The following SLC24A4 variants were observed in gnomAD, a reference collection of about 807,000 sequenced individuals.
SLC24A4 encodes sodium/potassium/calcium exchanger 4.
SLC24A4 carries 53 observed loss-of-function variants against 79.0 expected under a neutral mutation model. The ratio of observed to expected loss-of-function variants is 0.67; its 90% CI spans 0.54 to 0.84. The LOEUF (loss-of-function observed/expected upper bound fraction) is 0.84. SLC24A4 is among the 40% of genes least tolerant of loss of function. The probability of loss-of-function intolerance (pLI) is 0.00; values close to 1 mark genes in which losing one functional copy is unlikely to be tolerated. For synonymous variants in SLC24A4, 323 were observed against 323.8 expected, an observed-to-expected ratio of 1.00 and a Z score of 0.03; for missense variants, 731 against 822.0, an observed-to-expected ratio of 0.89 and a Z score of 1.35.
intron 2 of SLC24A4, among the ~76,000 whole-genome samples, chr14:92,333,842 T>C (rs1458994780): frequency 7.5e-6 from 1 of 134,206 alleles, no homozygotes; most frequent in Non-Finnish European, 1.6e-5. Flanking sequence ...TAGAGTCTGG[T>C]GGGGGTGGGA....
At chr14:92,360,517 G>A (rs567684354) in intron 2 of SLC24A4, among the ~76,000 whole-genome samples, 1 of 152,288 alleles carries the variant, frequency 6.6e-6, no homozygotes, top group East Asian at 1.9e-4. Flanking sequence ...TCCATTTGCA[G>A]TTAGATATTT....
intron 12 of SLC24A4, among the ~76,000 whole-genome samples, chr14:92,461,813 C>T (rs1893828049): frequency 6.6e-6 from 1 of 152,188 alleles, no homozygotes; most frequent in African/African-American, 2.4e-5. Flanking sequence ...TCATTCATGC[C>T]TTGCCACAGA....
chr14:92,491,400 T>C (rs1000711023), intron 14 of SLC24A4, among the ~76,000 whole-genome samples: 17 of 152,228 alleles, frequency 1.1e-4, no homozygotes, highest in African/African-American at 4.1e-4. Flanking sequence ...ATAAAGACCC[T>C]ATCTCCAAAT....
intron 12 of SLC24A4, among the ~76,000 whole-genome samples, chr14:92,465,642 G>A (rs1206578735): frequency 6.6e-6 from 1 of 152,132 alleles, no homozygotes; most frequent in African/African-American, 2.4e-5. Context: ...TCCCCACGAG[G>A]GCAGCTGCTT....
chr14:92,379,763 C>T (rs552836098), intron 2 of SLC24A4, among the ~76,000 whole-genome samples: 1 of 152,222 alleles, frequency 6.6e-6, no homozygotes, highest in East Asian at 1.9e-4. Flanking sequence ...ATGCTTGAAA[C>T]TCACGTGCCT....
At chr14:92,325,840 G>A (rs779500631) in intron 1 of SLC24A4, 28 bp from the exon 2 acceptor site, 1 of 1,420,250 alleles carries the variant, frequency 7.0e-7, no homozygotes, top group Non-Finnish European at 9.9e-7. Flanking sequence ...CTGACCTAAT[G>A]GTATCTGTGA....
chr14:92,379,578 T>C (rs1888713440), intron 2 of SLC24A4, among the ~76,000 whole-genome samples: 1 of 152,010 alleles, frequency 6.6e-6, no homozygotes, highest in Admixed American at 6.5e-5. Context: ...CTCTGGCGTC[T>C]CCCCTTTCCT....
chr14:92,383,961 G>A (rs1031492897), intron 2 of SLC24A4, among the ~76,000 whole-genome samples: 18 of 152,200 alleles, frequency 1.2e-4, no homozygotes, highest in African/African-American at 3.9e-4. Context: ...GGAGCAGAGC[G>A]GGTCTGAAAT....
At chr14:92,468,101 T>C (rs1894222937) in intron 12 of SLC24A4, among the ~76,000 whole-genome samples, 1 of 152,174 alleles carries the variant, frequency 6.6e-6, no homozygotes, top group Non-Finnish European at 1.5e-5. Context: ...TATATACAAT[T>C]CAGTTGTATT....
At chr14:92,446,164 C>T (rs1052484599) in intron 8 of SLC24A4, among the ~76,000 whole-genome samples, 8 of 132,868 alleles carry the variant, frequency 6.0e-5, no homozygotes, top group Middle Eastern at 3.8e-3. Flanking sequence ...TCAGAATCTG[C>T]GTGCATTCTA....
Position 92,343,688 on chromosome 14 carries a change from CCTTCCTTCCTTCCTTT to C in SLC24A4, c.241+17714_241+17729del, listed in dbSNP as rs1406332457. ...TCCTTCCTTCCTTCCTTCCTTCCTT[CCTTCCTTCCTTCCTTT>C]CTTTCTTTCTTTTTTTGAGACAGAG... On this transcript the variant is annotated intron_variant, in intron 2 of 16. Coordinates refer to ENST00000532405, the MANE Select transcript of SLC24A4 (RefSeq NM_153646.4). Among the ~76,000 whole-genome samples, 102 of 139,590 alleles carry C rather than the reference CCTTCCTTCCTTCCTTT, an allele frequency of 7.3e-4. 3 individuals are homozygous for C. Among genetic ancestry groups the C allele is most frequent in the African/African-American group, 2.0e-3 (71 of 35,064 alleles). The allele number at this position is 139,590 out of a possible 152,430, so 91.6% of individuals were successfully genotyped here.
In SLC24A4 at chr14:92,443,462, C is replaced by T. The variant is rs754429444; in HGVS notation, c.645C>T (p.Ile215=). The T allele has an allele frequency of 2.2e-5, 36 of 1,614,086 alleles. No individual in the cohort carries two copies. Among genetic ancestry groups the T allele is most frequent in the Non-Finnish European group, 2.6e-5 (31 of 1,180,042 alleles). ...CCGTGTACTACACCATCTCTGTCAT[C>T]GTGCTCATCGTGGTGAGTTGCCCCT... ...RDSVYYTISV[I]VLIVFIYDEQ... Residue 215 remains isoleucine, a synonymous_variant, in exon 7 of 17, where the codon ATC becomes ATT. Transcript: ENST00000532405.
intron 11 of SLC24A4, among the ~76,000 whole-genome samples, chr14:92,454,838 A>G (rs1893365644): frequency 6.6e-6 from 1 of 152,234 alleles, no homozygotes; most frequent in Admixed American, 6.5e-5. Context: ...CAAAGTTTTG[A>G]ATCATTGTGA....
chr14:92,358,655 A>G (rs939877433), intron 2 of SLC24A4, among the ~76,000 whole-genome samples: 3 of 146,382 alleles, frequency 2.0e-5, no homozygotes, highest in Non-Finnish European at 4.5e-5. Context: ...TTCACCACCT[A>G]TCTGACTCAT....
intron 2 of SLC24A4, among the ~76,000 whole-genome samples, chr14:92,374,303 G>C (rs1888376008): frequency 1.3e-5 from 2 of 152,228 alleles, no homozygotes; most frequent in Admixed American, 6.5e-5. Flanking sequence ...CATTCGAGAA[G>C]ACCAAGGCTC....
At chr14:92,428,042 C>T (rs60243508) in intron 2 of SLC24A4, among the ~76,000 whole-genome samples, 11,280 of 152,238 alleles carry the variant, frequency 0.074, 653 homozygotes, top group African/African-American at 0.14. Flanking sequence ...CTCCGGCCTC[C>T]AGAACTGTGA....
intron 2 of SLC24A4, among the ~76,000 whole-genome samples, chr14:92,346,082 G>C (rs2141630377): frequency 6.6e-6 from 1 of 152,232 alleles, no homozygotes; most frequent in East Asian, 1.9e-4. Flanking sequence ...CCAGCTAAGG[G>C]GGCAGGAAGC....
intron 2 of SLC24A4, among the ~76,000 whole-genome samples, chr14:92,393,497 A>C (rs1488625113): frequency 1.3e-5 from 2 of 150,558 alleles, no homozygotes; most frequent in African/African-American, 2.4e-5. Flanking sequence ...CTGGTCGCAC[A>C]TCCAAGGAAA....
chr14:92,371,689 A>G (rs1312818985), intron 2 of SLC24A4, among the ~76,000 whole-genome samples: 1 of 152,220 alleles, frequency 6.6e-6, no homozygotes, highest in Non-Finnish European at 1.5e-5. Context: ...CTTCTACTCT[A>G]ACCTCACCCG....
Sources: allele counts gnomAD v4.1 joint callset (sites outside exome capture counted in the v4.1 genomes callset), GRCh38; gene constraint gnomAD v4.1.1; transcripts MANE v1.5; gene names NCBI Gene and HGNC (gene_info 2026-07-23, HGNC 2026-07-21).